Variants in PTGIS observed in about 807,000 individuals in gnomAD.
PTGIS encodes the protein prostacyclin synthase.
In PTGIS, 45 loss-of-function variants were observed where a neutral mutation model predicts 50.3. That is an observed-to-expected ratio of 0.90 (90% CI 0.70 to 1.15). PTGIS has a LOEUF of 1.15. Ranked by LOEUF, PTGIS falls within the 50% of genes most tolerant of loss-of-function variation. The pLI is 0.00. For missense variants in PTGIS, 668 were observed against 661.3 expected (o/e 1.01, Z -0.11); for synonymous variants, 260 against 267.7 (o/e 0.97, Z 0.28).
chr20:49,516,799 C>T (rs1432053074), intron 6 of PTGIS, among the ~76,000 whole-genome samples: 2 of 152,216 alleles, frequency 1.3e-5, no homozygotes, highest in African/African-American at 4.8e-5. Flanking sequence ...TACCCACTGC[C>T]CAGCATATAG....
At chr20:49,554,319 T>C (rs968074751) in intron 1 of PTGIS, among the ~76,000 whole-genome samples, 2 of 152,232 alleles carry the variant, frequency 1.3e-5, no homozygotes, top group African/African-American at 4.8e-5. Context: ...CATTCTGTGC[T>C]CCTGGCATTT....
rs776337409 is a variant in PTGIS at position 49,511,186 on chromosome 20, T to C, written c.1207-7A>G. ...ATCGGTTGTATTTAAATACCTGAAA[T>C]AGGAAGAAGGTCCTTTTCTGACCCC... On this transcript the variant is annotated splice_region_variant and splice_polypyrimidine_tract_variant and intron_variant, in intron 8 of 9. Transcript: ENST00000244043. 6.2e-7 allele frequency: 1 copy of C among 1,614,068 alleles called. No individual in the cohort carries two copies. The highest frequency in any genetic ancestry group is 1.1e-5 in the South Asian group (1 of 91,068).
At chr20:49,523,954 CAT>C (rs1981722928) in intron 6 of PTGIS, 102 bp downstream of exon 6, 6 of 1,367,152 alleles carry the variant, frequency 4.4e-6, no homozygotes, top group African/African-American at 1.4e-5. Context: ...CAGGCATAGT[CAT>C]GTGCACACCT....
intron 1 of PTGIS, among the ~76,000 whole-genome samples, chr20:49,559,213 TG>T (rs1175540770): frequency 3.9e-5 from 6 of 152,226 alleles, no homozygotes; most frequent in Admixed American, 3.3e-4. Flanking sequence ...TAGATTCTTA[TG>T]GAAGATTGTT....
rs965775052 is a variant in PTGIS, at chr20:49,547,630, CAAACAAAA to C, written c.377+203_377+210del. On this transcript the variant is annotated intron_variant, in intron 3 of 9. Transcript: ENST00000244043. ...CCAAACAAACAAACAAACAAACAAA[CAAACAAAA>C]AAACCCGCCAGAGATGAGAGACAAA... Among the ~76,000 whole-genome samples the C allele has an allele frequency of 1.4e-4, 21 of 152,126 alleles. No individual in the cohort carries two copies. In the South Asian group the frequency reaches 3.7e-3, roughly 27 times the overall value.
Position 49,505,353 on chromosome 20 carries a change from G to A in PTGIS, c.*2567C>T, listed in dbSNP as rs558013188. 107 of 152,056 alleles carry A rather than the reference G, an allele frequency of 7.0e-4. No homozygotes were observed. The highest frequency in any genetic ancestry group is 2.6e-3 in the African/African-American group (106 of 41,444). 9.4% of individuals were successfully genotyped at this position (152,056 alleles called of 1,614,324 possible). ...TATTTTTTTTAAAGAGAAAAATAAC[G>A]ATTAAAACAAGGGCAGGTTTAAATA... is the stretch of plus-strand genomic sequence containing the variant. On this transcript the variant is annotated 3_prime_UTR_variant, in exon 10 of 10. Coordinates refer to ENST00000244043, the MANE Select transcript of PTGIS (RefSeq NM_000961.4).
At chr20:49,554,960 T>C (rs1376073609) in intron 1 of PTGIS, among the ~76,000 whole-genome samples, 1 of 152,132 alleles carries the variant, frequency 6.6e-6, no homozygotes, top group Non-Finnish European at 1.5e-5. Flanking sequence ...GAAAATTAAG[T>C]CTCCTCTCTC....
At chr20:49,553,788 A>G (rs1982564958) in intron 1 of PTGIS, among the ~76,000 whole-genome samples, 1 of 152,046 alleles carries the variant, frequency 6.6e-6, no homozygotes, top group Non-Finnish European at 1.5e-5. Context: ...ATAATTGTAT[A>G]TGGAAAGAAT....
At chr20:49,551,884 T>G (rs867302379) in intron 1 of PTGIS, among the ~76,000 whole-genome samples, 3 of 151,594 alleles carry the variant, frequency 2.0e-5, no homozygotes, top group Non-Finnish European at 4.4e-5. Context: ...TAGGTTCTTG[T>G]TTTTTGAGAA....
At chr20:49,511,426 G>T (rs1470341605) in intron 8 of PTGIS, among the ~76,000 whole-genome samples, 2 of 152,196 alleles carry the variant, frequency 1.3e-5, no homozygotes, top group Non-Finnish European at 2.9e-5. Context: ...TATATTGCAT[G>T]ATCCTATACA....
chr20:49,525,013 AC>A (rs1230512390), intron 5 of PTGIS, among the ~76,000 whole-genome samples: 1 of 152,178 alleles, frequency 6.6e-6, no homozygotes, highest in African/African-American at 2.4e-5. Context: ...CCAGGGTCCA[AC>A]CCCAGAGCAA....
intron 5 of PTGIS, among the ~76,000 whole-genome samples, chr20:49,539,193 G>T (rs1244818725): frequency 1.3e-5 from 2 of 152,148 alleles, no homozygotes; most frequent in African/African-American, 2.4e-5. Flanking sequence ...GGAGAAAGTG[G>T]AGCGCTCTTT....
At position 49,506,113 on chromosome 20, in the gene PTGIS, G is replaced by A. The variant is rs551595389; in HGVS notation, c.*1807C>T. 2.0e-5 allele frequency: 3 copies of A among 152,730 alleles called. No individual in the cohort carries two copies. The East Asian group carries it at 5.8e-4, about 29-fold the overall frequency. The allele number at this position is 152,730 out of a possible 1,614,324, so 9.5% of individuals were successfully genotyped here. ...AGTTGCTCATCCAGCATTTGCTCCTGGGACAGTAAATCTGCCTGCAGAGTT... is the reference window on the plus strand; with the variant it reads ...AGTTGCTCATCCAGCATTTGCTCCTAGGACAGTAAATCTGCCTGCAGAGTT... On this transcript the variant is annotated 3_prime_UTR_variant, in exon 10 of 10. Coordinates refer to ENST00000244043, the MANE Select transcript of PTGIS (RefSeq NM_000961.4).
At position 49,539,609 on chromosome 20, in the gene PTGIS, G is replaced by A. The variant is rs201920776; in HGVS notation, c.634C>T (p.Arg212Trp). 6.8e-6 allele frequency: 11 copies of A among 1,614,012 alleles called. No homozygotes were observed. Among genetic ancestry groups the A allele is most frequent in the African/African-American group, 5.3e-5 (4 of 75,066 alleles). ...CCACGGGCCAGTTTGGGGAGCAGCC[G>A]GTCGAGCTGGCGAAAGGTGTGGAAG... ...DVFHTFRQLDRLLPKLARGSL... is the reference protein window; with the variant it reads ...DVFHTFRQLDWLLPKLARGSL... Residue 212 changes from arginine to tryptophan, a missense_variant, in exon 5 of 10, where the codon CGG (arginine) becomes TGG (tryptophan). Arg to Trp is a moderately radical substitution (Grantham distance 101, BLOSUM62 -3). Coordinates refer to ENST00000244043, the MANE Select transcript of PTGIS (RefSeq NM_000961.4).
rs566500024 is a variant in PTGIS, at chr20:49,562,450, A to C, written c.74+5593T>G. Among the ~76,000 whole-genome samples, 14 of 152,274 alleles carry C rather than the reference A, an allele frequency of 9.2e-5. No individual in the cohort carries two copies. The South Asian group carries it at 2.9e-3, about 32-fold the overall frequency. On this transcript the variant is annotated intron_variant, in intron 1 of 9. Coordinates refer to ENST00000244043, the MANE Select transcript of PTGIS (RefSeq NM_000961.4). ...CCTGACCCCTGATGTTGGCTCCTCC[A>C]GCCTTGGGCCCTCAATCCAACTCAG... is the stretch of plus-strand genomic sequence containing the variant.
chr20:49,535,643 T>C (rs1169965567), intron 5 of PTGIS, among the ~76,000 whole-genome samples: 3 of 152,182 alleles, frequency 2.0e-5, no homozygotes, highest in Admixed American at 6.5e-5. Flanking sequence ...GCCTCCCAAG[T>C]AGGTGGGATT....
chr20:49,551,655 T>A (rs1329129847), intron 1 of PTGIS, among the ~76,000 whole-genome samples: 1 of 152,190 alleles, frequency 6.6e-6, no homozygotes, highest in African/African-American at 2.4e-5. Flanking sequence ...GAGGCTGTGT[T>A]GTAGGCCATG....
chr20:49,562,869 G>A lies in PTGIS; in HGVS notation c.74+5174C>T, dbSNP rs543245588. Among the ~76,000 whole-genome samples the A allele has an allele frequency of 6.7e-4, 102 of 152,242 alleles. 1 individual carries two copies. The highest frequency in any genetic ancestry group is 9.4e-4 in the Non-Finnish European group (64 of 68,036). On this transcript the variant is annotated intron_variant, in intron 1 of 9. Transcript: ENST00000244043. ...CCGCCTCCATGCCCCCTGACGTATC[G>A]CATCTTCACTAGATGGAAGAGCCAT...
chr20:49,567,792 C>A (rs1982938399), intron 1 of PTGIS, among the ~76,000 whole-genome samples: 1 of 152,214 alleles, frequency 6.6e-6, no homozygotes, highest in African/African-American at 2.4e-5. Context: ...TCGCGGTGGG[C>A]GATTCGCCCC....
Sources: gnomAD v4.1 joint callset for allele counts (sites outside exome capture counted in the v4.1 genomes callset) on GRCh38, gnomAD v4.1.1 for gene constraint, MANE v1.5 for transcripts, NCBI Gene and HGNC (gene_info 2026-07-23, HGNC 2026-07-21) for gene names.